SLC37A1: variants seen among roughly 807,000 people sequenced by gnomAD.
SLC37A1 encodes the protein glucose-6-phosphate exchanger SLC37A1.
A neutral mutation model predicts 75.3 loss-of-function variants in SLC37A1; 49 were observed. The ratio of observed to expected loss-of-function variants is 0.65; its 90% CI spans 0.52 to 0.83. The LOEUF is 0.83. Among genes scored for constraint, SLC37A1 ranks in the 40% least tolerant of loss-of-function variants. The probability of loss-of-function intolerance (pLI) is 0.00; values close to 1 mark genes in which losing one functional copy is unlikely to be tolerated. For synonymous variants in SLC37A1, 268 were observed against 292.1 expected (o/e 0.92, Z 0.84); for missense variants, 566 against 695.0 (o/e 0.81, Z 2.09).
At chr21:42,513,351 G>C (rs1357425899), upstream of SLC37A1, among the ~76,000 whole-genome samples, 1 of 152,252 alleles carries the variant, frequency 6.6e-6, no homozygotes, top group African/African-American at 2.4e-5. Flanking sequence ...AAGTTGGTTC[G>C]ACATAGCCAA....
At chr21:42,536,473 G>A (rs1320051133) in intron 5 of SLC37A1, among the ~76,000 whole-genome samples, 1 of 152,122 alleles carries the variant, frequency 6.6e-6, no homozygotes, top group Non-Finnish European at 1.5e-5. Flanking sequence ...AGTCCAGCCA[G>A]GTTTTTTTTT....
At chr21:42,501,943 G>A (rs993932256) in intron 1 of SLC37A1, among the ~76,000 whole-genome samples, 3 of 152,152 alleles carry the variant, frequency 2.0e-5, no homozygotes, top group African/African-American at 7.2e-5. Context: ...CTAGAAAAGG[G>A]ACAGGGAAAA....
At chr21:42,534,599 T>C in intron 3 of SLC37A1, 99 bp from the exon 4 acceptor site, 1 of 1,450,852 alleles carries the variant, frequency 6.9e-7, no homozygotes, top group Non-Finnish European at 9.3e-7. Context: ...CTGGGCAGGC[T>C]GCTGGGAGAG....
intron 18 of SLC37A1, among the ~76,000 whole-genome samples, chr21:42,578,772 G>A (rs1295520140): frequency 6.6e-6 from 1 of 152,190 alleles, no homozygotes; most frequent in East Asian, 1.9e-4. Flanking sequence ...TCATACAAGG[G>A]ACTCCTAAGC....
rs1202302419 is a variant in SLC37A1 at position 42,530,617 on chromosome 21, C to T, written c.139-4081C>T. Among the ~76,000 whole-genome samples the T allele has an allele frequency of 5.5e-5, 3 of 54,778 alleles. No homozygotes were observed. In the Admixed American group the frequency reaches 6.3e-4, roughly 11 times the overall value. The allele number at this position is 54,778 out of a possible 152,430, so 35.9% of individuals were successfully genotyped here. A position where few individuals can be genotyped will look rare whatever the true frequency, so the allele number is the denominator to read the frequency against. On this transcript the variant is annotated intron_variant, in intron 3 of 19. Transcript: ENST00000352133. The stretch of plus-strand genomic sequence containing the variant: ...TGATACACACACACACACACACACA[C>T]ACACACACACACACACACACACACA...
intron 1 of SLC37A1, 37 bp from the exon 2 acceptor site, chr21:42,518,240 G>A (rs1358071077): frequency 1.4e-5 from 8 of 577,610 alleles, no homozygotes; most frequent in South Asian, 3.8e-5. Context: ...TGAATGTCAC[G>A]ACACTGGACT....
chr21:42,527,503 T>C (rs1259315332), intron 3 of SLC37A1, among the ~76,000 whole-genome samples: 1 of 152,088 alleles, frequency 6.6e-6, no homozygotes, highest in Non-Finnish European at 1.5e-5. Context: ...TAAGTAACAA[T>C]ATAAATAACT....
At chr21:42,539,406 A>G (rs977374490) in intron 5 of SLC37A1, 106 bp from the exon 6 acceptor site, 20 of 1,319,794 alleles carry the variant, frequency 1.5e-5, no homozygotes, top group Non-Finnish European at 2.0e-5. Context: ...AGAGTTCCCC[A>G]AGCTCAGAGA....
At chr21:42,503,217 G>A (rs947159340) in intron 2 of SLC37A1, among the ~76,000 whole-genome samples, 3 of 150,442 alleles carry the variant, frequency 2.0e-5, no homozygotes, top group Non-Finnish European at 3.0e-5. Context: ...GTTGAACAAG[G>A]TAAGGGGTAT....
Position 42,522,090 on chromosome 21 carries a change from T to A in SLC37A1, c.56+3580T>A, listed in dbSNP as rs1023410179. 2.6e-5 allele frequency among the ~76,000 whole-genome samples: 4 copies of A among 152,294 alleles called. No homozygotes were observed. The South Asian group carries it at 8.3e-4, about 32-fold the overall frequency. Reference sequence around the variant, plus strand: ...TGTGGCCACGTGGCCTCCCTTCCTGTCTCTGAGTCTTTGCGTGGCCTTCTG... The same window carrying A: ...TGTGGCCACGTGGCCTCCCTTCCTGACTCTGAGTCTTTGCGTGGCCTTCTG... On this transcript the variant is annotated intron_variant, in intron 2 of 19. Transcript: ENST00000352133.
At chr21:42,564,137 C>T (rs2055909732) in intron 13 of SLC37A1, among the ~76,000 whole-genome samples, 1 of 141,858 alleles carries the variant, frequency 7.0e-6, no homozygotes, top group Admixed American at 7.9e-5. Flanking sequence ...TGTTATCCAG[C>T]ACTGTGGGAT....
chr21:42,532,591 G>C (rs908054473), intron 3 of SLC37A1, among the ~76,000 whole-genome samples: 3 of 152,200 alleles, frequency 2.0e-5, no homozygotes, highest in Non-Finnish European at 2.9e-5. Flanking sequence ...TGTTCAACAA[G>C]GCGGCGGGTG....
intron 6 of SLC37A1, among the ~76,000 whole-genome samples, chr21:42,541,942 A>G (rs981487491): frequency 6.6e-5 from 10 of 151,980 alleles, no homozygotes; most frequent in African/African-American, 1.5e-4. Flanking sequence ...GGGTCTCTCT[A>G]TATTGCCCAG....
chr21:42,519,465 A>T (rs1422064201), intron 2 of SLC37A1, among the ~76,000 whole-genome samples: 1 of 152,156 alleles, frequency 6.6e-6, no homozygotes, highest in African/African-American at 2.4e-5. Context: ...GGCCCCTCCT[A>T]AGGGACAGGA....
intron 3 of SLC37A1, among the ~76,000 whole-genome samples, chr21:42,527,178 G>A (rs768328735): frequency 1.3e-5 from 2 of 152,192 alleles, no homozygotes; most frequent in East Asian, 1.9e-4. Flanking sequence ...TGAGTGCTAC[G>A]TGCAGGGATG....
intron 8 of SLC37A1, 40 bp downstream of exon 8, chr21:42,543,642 G>A: frequency 6.5e-7 from 1 of 1,542,970 alleles, no homozygotes; most frequent in Non-Finnish European, 8.7e-7. Flanking sequence ...ACCAAGGGAG[G>A]CCTCGGATTT....
intron 1 of SLC37A1, among the ~76,000 whole-genome samples, chr21:42,517,295 AG>A (rs1486893935): frequency 6.6e-6 from 1 of 152,210 alleles, no homozygotes; most frequent in African/African-American, 2.4e-5. Context: ...TACACAGCCC[AG>A]GGTCAGCCTT....
At position 42,545,136 on chromosome 21, in the gene SLC37A1, A is replaced by G. The variant is rs1411623403; in HGVS notation, c.730+1534A>G. On this transcript the variant is annotated intron_variant, in intron 8 of 19. Coordinates refer to ENST00000352133, the MANE Select transcript of SLC37A1 (RefSeq NM_001320537.2). The surrounding 1 kb of genome is among the most constrained non-coding windows in gnomAD (Gnocchi z 4.0). The stretch of plus-strand genomic sequence containing the variant: ...CCTGATCCAATTTGGGCAGATAGCA[A>G]TGAGCCAGATGCCCCCTGTCCCTGG... 1.3e-5 allele frequency among the ~76,000 whole-genome samples: 2 copies of G among 152,188 alleles called. No individual in the cohort carries two copies. The highest frequency in any genetic ancestry group is 2.1e-4 in the South Asian group (1 of 4,832).
chr21:42,522,213 C>T (rs947499306), intron 2 of SLC37A1, among the ~76,000 whole-genome samples: 15 of 152,270 alleles, frequency 9.9e-5, no homozygotes, highest in East Asian at 1.9e-4. Flanking sequence ...AATAAGGTCA[C>T]GTTCTGAGGT....
Sources: gnomAD v4.1 joint callset for allele counts (sites outside exome capture counted in the v4.1 genomes callset) on GRCh38, gnomAD v4.1.1 for gene constraint, Gnocchi (gnomAD v3.1) non-coding constraint, MANE v1.5 for transcripts, NCBI Gene and HGNC (gene_info 2026-07-23, HGNC 2026-07-21) for gene names.